STXBP5L: variants seen among roughly 807,000 people sequenced by gnomAD.
STXBP5L encodes the protein syntaxin-binding protein 5-like.
In STXBP5L, 65 loss-of-function variants were observed where a neutral mutation model predicts 144.5. The ratio of observed to expected loss-of-function variants is 0.45; its 90% confidence interval spans 0.37 to 0.55. The LOEUF is 0.55. Ranked by LOEUF, STXBP5L falls within the 20% of genes least tolerant of loss-of-function variation. STXBP5L has a pLI of 0.00. For synonymous variants in STXBP5L, 505 were observed against 469.6 expected, an observed-to-expected ratio of 1.08 and a Z score of -0.97; for missense variants, 1,298 against 1,405.5, an observed-to-expected ratio of 0.92 and a Z score of 1.22.
intron 5 of STXBP5L, among the ~76,000 whole-genome samples, chr3:121,096,939 C>T (rs1166802191): frequency 2.6e-5 from 4 of 152,176 alleles, no homozygotes; most frequent in African/African-American, 4.8e-5. Flanking sequence ...TGAAGTTGTG[C>T]CCACAGCAGC....
At chr3:121,356,340 G>A (rs2045512940) in intron 20 of STXBP5L, among the ~76,000 whole-genome samples, 2 of 152,234 alleles carry the variant, frequency 1.3e-5, no homozygotes. Context: ...GCTGTGGTGG[G>A]CTCCCTCATT....
At chr3:121,073,638 C>T (rs1376465812) in intron 5 of STXBP5L, among the ~76,000 whole-genome samples, 1 of 152,158 alleles carries the variant, frequency 6.6e-6, no homozygotes, top group Non-Finnish European at 1.5e-5. Flanking sequence ...AATGCTGGGG[C>T]CTGGATCAAA....
chr3:120,978,637 C>T lies in STXBP5L; in HGVS notation c.287+23600C>T, dbSNP rs1294947492. Reference sequence around the variant, plus strand: ...AGAGGCACTCTGCTTTTTAGAGTTTCCAGTTTTTCTGCTCTGATTTTTCCC... The same window carrying T: ...AGAGGCACTCTGCTTTTTAGAGTTTTCAGTTTTTCTGCTCTGATTTTTCCC... On this transcript the variant is annotated intron_variant, in intron 3 of 26. Transcript: ENST00000471454. Among the ~76,000 whole-genome samples the T allele has an allele frequency of 3.3e-5, 5 of 150,744 alleles. 1 individual carries two copies. In the South Asian group the frequency reaches 1.0e-3, roughly 32 times the overall value.
intron 9 of STXBP5L, among the ~76,000 whole-genome samples, chr3:121,189,169 G>C (rs1359076708): frequency 1.3e-5 from 2 of 152,132 alleles, no homozygotes; most frequent in Non-Finnish European, 2.9e-5. Context: ...CATTCTTTAA[G>C]TTTCCTATTC....
chr3:121,037,643 T>A (rs964700805), intron 3 of STXBP5L, among the ~76,000 whole-genome samples: 1 of 152,172 alleles, frequency 6.6e-6, no homozygotes, highest in African/African-American at 2.4e-5. Context: ...TAGTTTGTCA[T>A]GATTTGGTAT....
At chr3:121,331,409 G>A (rs1281801745) in intron 20 of STXBP5L, among the ~76,000 whole-genome samples, 9 of 152,204 alleles carry the variant, frequency 5.9e-5, no homozygotes, top group Non-Finnish European at 1.5e-5. Context: ...CAGGGTGACT[G>A]CTTTTCCACA....
intron 19 of STXBP5L, among the ~76,000 whole-genome samples, chr3:121,306,314 G>C (rs1160904725): frequency 6.6e-6 from 1 of 152,058 alleles, no homozygotes; most frequent in Non-Finnish European, 1.5e-5. Flanking sequence ...AAATTCCTGG[G>C]AAGTGTTACC....
At chr3:121,338,592 CAA>C (rs112967595) in intron 20 of STXBP5L, among the ~76,000 whole-genome samples, 5 of 101,674 alleles carry the variant, frequency 4.9e-5, no homozygotes, top group Admixed American at 1.2e-4. Flanking sequence ...GCATTTCTGT[CAA>C]AAAAAAAAAA....
intron 3 of STXBP5L, among the ~76,000 whole-genome samples, chr3:120,977,168 G>A (rs903725799): frequency 6.6e-6 from 1 of 152,170 alleles, no homozygotes; most frequent in Non-Finnish European, 1.5e-5. Flanking sequence ...CATTAATATT[G>A]TGTGGGAGTC....
At chr3:120,999,433 C>T (rs1943597812) in intron 3 of STXBP5L, among the ~76,000 whole-genome samples, 1 of 152,164 alleles carries the variant, frequency 6.6e-6, no homozygotes, top group South Asian at 2.1e-4. Flanking sequence ...ATAGATCTTT[C>T]TCCATCCCTT....
At chr3:121,314,627 GAGGGA>G (rs2043713800) in intron 19 of STXBP5L, among the ~76,000 whole-genome samples, 1 of 147,230 alleles carries the variant, frequency 6.8e-6, no homozygotes, top group South Asian at 2.2e-4. Context: ...GGGAGAGGGA[GAGGGA>G]GAGCGTAAGC....
chr3:120,984,238 G>GA (rs1401509295), intron 3 of STXBP5L, among the ~76,000 whole-genome samples: 1 of 152,202 alleles, frequency 6.6e-6, no homozygotes, highest in Non-Finnish European at 1.5e-5. Context: ...CAGCTTGGGG[G>GA]ATAGGCTGAT....
chr3:121,061,744 A>G (rs1358351778), intron 5 of STXBP5L, among the ~76,000 whole-genome samples: 4 of 151,944 alleles, frequency 2.6e-5, no homozygotes, highest in East Asian at 1.9e-4. Flanking sequence ...GTCTCTGTTG[A>G]TCTTTGTTGG....
chr3:121,257,733 T>G (rs1213876822), intron 17 of STXBP5L, among the ~76,000 whole-genome samples: 3 of 152,186 alleles, frequency 2.0e-5, no homozygotes, highest in Non-Finnish European at 4.4e-5. Flanking sequence ...GAGAGCAGCC[T>G]GGGCAACATA....
intron 3 of STXBP5L, among the ~76,000 whole-genome samples, chr3:121,031,009 G>C (rs555674622): frequency 6.6e-6 from 1 of 152,060 alleles, no homozygotes; most frequent in Non-Finnish European, 1.5e-5. Context: ...TGGATGTATT[G>C]ACACTCTTAA....
chr3:121,388,809 A>T (rs1463094365), intron 22 of STXBP5L, among the ~76,000 whole-genome samples: 1 of 152,042 alleles, frequency 6.6e-6, no homozygotes, highest in African/African-American at 2.4e-5. Flanking sequence ...TTTATTGAGG[A>T]TTTTCACATC....
chr3:120,922,579 A>G (rs1170962490), intron 2 of STXBP5L, among the ~76,000 whole-genome samples: 3 of 152,054 alleles, frequency 2.0e-5, no homozygotes, highest in East Asian at 1.9e-4. Context: ...TTCCCTGTTC[A>G]GTATGATGGT....
chr3:121,246,044 C>A (rs2049840295), intron 14 of STXBP5L, among the ~76,000 whole-genome samples: 2 of 152,078 alleles, frequency 1.3e-5, no homozygotes, highest in African/African-American at 4.8e-5. Flanking sequence ...GCCAGGGGTC[C>A]ACAACCCCTG....
intron 2 of STXBP5L, among the ~76,000 whole-genome samples, chr3:120,951,820 A>G (rs1711252928): frequency 6.6e-6 from 1 of 152,186 alleles, no homozygotes; most frequent in South Asian, 2.1e-4. Context: ...TACCGAAAGG[A>G]GTATAAATCA....
Sources: allele counts gnomAD v4.1 joint callset (sites outside exome capture counted in the v4.1 genomes callset), GRCh38; gene constraint gnomAD v4.1.1; transcripts MANE v1.5; gene names NCBI Gene and HGNC (gene_info 2026-07-23, HGNC 2026-07-21).